The following ERBB4 variants were observed in gnomAD, a reference collection of about 807,000 sequenced individuals.
ERBB4 encodes receptor tyrosine-protein kinase erbB-4.
In ERBB4, 42 loss-of-function variants were observed where a neutral mutation model predicts 158.0. The observed-to-expected ratio is 0.27, with a 90% CI of 0.21 to 0.34. ERBB4 has a LOEUF of 0.34. Among genes scored for constraint, ERBB4 ranks in the 10% least tolerant of loss-of-function variants. ERBB4 has a pLI of 1.00. For synonymous variants in ERBB4, 583 were observed against 558.7 expected (o/e 1.04, Z -0.61); for missense variants, 1,333 against 1,624.1 (o/e 0.82, Z 3.08).
At chr2:212,280,054 G>T (rs565996413) in intron 1 of ERBB4, among the ~76,000 whole-genome samples, 20 of 151,366 alleles carry the variant, frequency 1.3e-4, no homozygotes, top group Non-Finnish European at 2.7e-4. Flanking sequence ...TCTTCAAAAA[G>T]AACTTGAAAA....
intron 1 of ERBB4, among the ~76,000 whole-genome samples, chr2:212,426,710 CACCCCTTTTGAAGT>C (rs938024162): frequency 5.9e-5 from 9 of 152,048 alleles, no homozygotes; most frequent in Non-Finnish European, 8.8e-5. Flanking sequence ...CTCACACAAT[CACCCCTTTTGAAGT>C]AAAGCCTATA....
chr2:211,491,005 G>A (rs1214321956), intron 20 of ERBB4, among the ~76,000 whole-genome samples: 1 of 152,036 alleles, frequency 6.6e-6, no homozygotes, highest in Non-Finnish European at 1.5e-5. Context: ...ATATTCACCA[G>A]AGACCCTGCT....
chr2:212,101,790 C>T (rs1260669085), intron 2 of ERBB4, among the ~76,000 whole-genome samples: 2 of 151,662 alleles, frequency 1.3e-5, no homozygotes, highest in Non-Finnish European at 2.9e-5. Context: ...TATTTTTCAA[C>T]AATAATGAAA....
chr2:212,224,586 T>C (rs2083411596), intron 1 of ERBB4, among the ~76,000 whole-genome samples: 1 of 152,008 alleles, frequency 6.6e-6, no homozygotes, highest in Non-Finnish European at 1.5e-5. Context: ...AGGAGATATA[T>C]TAAATATGTC....
chr2:212,516,016 T>A (rs1691819622), intron 1 of ERBB4, among the ~76,000 whole-genome samples: 1 of 152,014 alleles, frequency 6.6e-6, no homozygotes, highest in African/African-American at 2.4e-5. Context: ...TATCACTAAA[T>A]GTGTTGGTCC....
chr2:211,701,572 C>T (rs1376524894), intron 12 of ERBB4, among the ~76,000 whole-genome samples: 2 of 151,994 alleles, frequency 1.3e-5, no homozygotes, highest in Non-Finnish European at 2.9e-5. Context: ...CTGGCTAACA[C>T]AGCGAAACCC....
At chr2:211,946,332 A>C (rs1420499929) in intron 3 of ERBB4, among the ~76,000 whole-genome samples, 1 of 152,072 alleles carries the variant, frequency 6.6e-6, no homozygotes, top group African/African-American at 2.4e-5. Context: ...TTCAAATATA[A>C]GAAACAAATG....
chr2:212,493,580 A>C (rs540171341), intron 1 of ERBB4, among the ~76,000 whole-genome samples: 1 of 151,834 alleles, frequency 6.6e-6, no homozygotes, highest in East Asian at 1.9e-4. Context: ...ACATAGTTCA[A>C]ATTTCATAAA....
intron 1 of ERBB4, among the ~76,000 whole-genome samples, chr2:212,187,606 T>C (rs967339220): frequency 6.6e-6 from 1 of 152,092 alleles, no homozygotes; most frequent in Non-Finnish European, 1.5e-5. Flanking sequence ...TAAATATCAA[T>C]TTTTTAAGAG....
At chr2:211,697,813 G>A (rs6435655) in intron 12 of ERBB4, among the ~76,000 whole-genome samples, 77,125 of 151,998 alleles carry the variant, frequency 0.51, 20,434 homozygotes, top group Non-Finnish European at 0.58. Context: ...GGAAGATGAC[G>A]TGGAAATTAG....
intron 2 of ERBB4, among the ~76,000 whole-genome samples, chr2:212,112,319 G>A (rs892059501): frequency 2.0e-5 from 3 of 151,906 alleles, no homozygotes; most frequent in East Asian, 1.9e-4. Context: ...TCAAGTTCTC[G>A]GTACAGTTTT....
chr2:211,884,947 A>G (rs1445464855), intron 3 of ERBB4, among the ~76,000 whole-genome samples: 1 of 152,214 alleles, frequency 6.6e-6, no homozygotes, highest in Non-Finnish European at 1.5e-5. Context: ...AAAAATAAAA[A>G]TAGATATTTA....
intron 2 of ERBB4, among the ~76,000 whole-genome samples, chr2:212,055,390 C>G (rs533076968): frequency 3.2e-4 from 48 of 152,158 alleles, no homozygotes; most frequent in African/African-American, 9.9e-4. Flanking sequence ...AGCCAAAAGG[C>G]AGACTTAAAT....
intron 1 of ERBB4, among the ~76,000 whole-genome samples, chr2:212,537,081 G>A (rs1474273902): frequency 6.6e-6 from 1 of 152,026 alleles, no homozygotes; most frequent in African/African-American, 2.4e-5. Flanking sequence ...GCCATTCGAA[G>A]GTCATTTTGA....
chr2:212,367,913 A>G (rs886685706), intron 1 of ERBB4, among the ~76,000 whole-genome samples: 15 of 152,114 alleles, frequency 9.9e-5, no homozygotes, highest in African/African-American at 3.1e-4. Flanking sequence ...AATGGCCATA[A>G]TCAAAAAATC....
At chr2:212,302,656 G>T (rs935764355) in intron 1 of ERBB4, among the ~76,000 whole-genome samples, 1 of 151,514 alleles carries the variant, frequency 6.6e-6, no homozygotes, top group Non-Finnish European at 1.5e-5. Context: ...TGTAATTGAA[G>T]AAAGAGATGA....
chr2:211,888,600 C>G (rs2078868392), intron 3 of ERBB4, among the ~76,000 whole-genome samples: 1 of 152,198 alleles, frequency 6.6e-6, no homozygotes, highest in Non-Finnish European at 1.5e-5. Context: ...GTGAGCGACG[C>G]AGAAGACGGG....
In ERBB4 at chr2:212,497,178, C is replaced by CAAA. The variant is rs397987683; in HGVS notation, c.82+41268_82+41270dup. 2.6e-4 allele frequency among the ~76,000 whole-genome samples: 17 copies of CAAA among 64,350 alleles called. No homozygotes were observed. The East Asian group carries it at 4.5e-3, about 17-fold the overall frequency. The allele number at this position is 64,350 out of a possible 152,430, so 42.2% of individuals were successfully genotyped here. On this transcript the variant is annotated intron_variant, in intron 1 of 27. Transcript: ENST00000342788. ...GGGTGACAAGAGCAAAACTCCATCT[C>CAAA]AAAAAAAAAAAAAAAAAAACCCTAT...
intron 2 of ERBB4, among the ~76,000 whole-genome samples, chr2:211,952,183 T>A (rs1223974622): frequency 1.3e-5 from 2 of 152,098 alleles, no homozygotes; most frequent in African/African-American, 4.8e-5. Flanking sequence ...CTGGTATTCA[T>A]AGTCACATTC....
Sources: gnomAD v4.1 joint callset for allele counts (sites outside exome capture counted in the v4.1 genomes callset) on GRCh38, gnomAD v4.1.1 for gene constraint, MANE v1.5 for transcripts, NCBI Gene and HGNC (gene_info 2026-07-23, HGNC 2026-07-21) for gene names.